KCNG2: variants seen among roughly 807,000 people sequenced by gnomAD.
KCNG2 encodes voltage-gated potassium channel regulatory subunit KCNG2.
KCNG2 carries 7 observed loss-of-function variants against 12.3 expected under a neutral mutation model. That is an observed-to-expected ratio of 0.57 (90% CI 0.32 to 1.07). KCNG2 has a LOEUF of 1.07. Among genes scored for constraint, KCNG2 ranks in the 50% least tolerant of loss-of-function variants. The pLI is 0.04. For synonymous variants in KCNG2, 414 were observed against 351.4 expected (o/e 1.18, Z -1.99); for missense variants, 703 against 726.0 (o/e 0.97, Z 0.36).
intron 2 of KCNG2, among the ~76,000 whole-genome samples, chr18:79,860,437 TA>T (rs1979169563): frequency 6.6e-6 from 1 of 152,256 alleles, no homozygotes; most frequent in African/African-American, 2.4e-5. Context: ...TATTTAGTCT[TA>T]AAATTTCTTC....
At chr18:79,867,534 G>C (rs1417687633) in intron 3 of KCNG2, among the ~76,000 whole-genome samples, 2 of 102,186 alleles carry the variant, frequency 2.0e-5, no homozygotes, top group African/African-American at 7.4e-5. Context: ...TCTGGGGGGG[G>C]ACCGTGAGCT....
intron 3 of KCNG2, among the ~76,000 whole-genome samples, chr18:79,873,322 C>T (rs1054794929): frequency 6.6e-6 from 1 of 152,024 alleles, no homozygotes; most frequent in African/African-American, 2.4e-5. Context: ...CTGTGCCCTG[C>T]AGGGGTCTCT....
At chr18:79,819,627 C>G (rs2087556368) in intron 1 of KCNG2, among the ~76,000 whole-genome samples, 1 of 152,260 alleles carries the variant, frequency 6.6e-6, no homozygotes, top group African/African-American at 2.4e-5. Context: ...AGGACCCGGC[C>G]AGGCCTCACA....
At chr18:79,841,572 C>G (rs936731343) in intron 1 of KCNG2, among the ~76,000 whole-genome samples, 1 of 151,930 alleles carries the variant, frequency 6.6e-6, no homozygotes, top group South Asian at 2.1e-4. Context: ...AATAACAATC[C>G]AAATAGAAAA....
At chr18:79,854,012 G>A (rs1390876107) in intron 1 of KCNG2, among the ~76,000 whole-genome samples, 2 of 152,262 alleles carry the variant, frequency 1.3e-5, no homozygotes, top group Non-Finnish European at 2.9e-5. Flanking sequence ...TGGGAGGAAT[G>A]AGCAGGCCGA....
chr18:79,890,265 G>A (rs533789780), intron 3 of KCNG2, among the ~76,000 whole-genome samples: 2 of 152,258 alleles, frequency 1.3e-5, no homozygotes, highest in Admixed American at 1.3e-4. Context: ...ATAATAGTTT[G>A]TGAGGAATTG....
intron 1 of KCNG2, among the ~76,000 whole-genome samples, chr18:79,849,968 C>G (rs927715300): frequency 6.6e-5 from 10 of 152,190 alleles, no homozygotes; most frequent in African/African-American, 2.2e-4. Context: ...GGAGACCCCA[C>G]CTGGCCGTAG....
rs555973049 is a variant in KCNG2, at chr18:79,880,008, G to T, written c.624+15717G>T. 5.9e-5 allele frequency among the ~76,000 whole-genome samples: 9 copies of T among 152,280 alleles called. 1 individual carries two copies. The South Asian group carries it at 1.9e-3, about 32-fold the overall frequency. On this transcript the variant is annotated intron_variant, in intron 3 of 3. Coordinates refer to ENST00000316249, the MANE Select transcript of KCNG2 (RefSeq NM_012283.2). Reference sequence around the variant, plus strand: ...AAATGTAATTGTAGAGCACGACTTGGCTCAGCAATGAGCATGTTCACATTT... The same window carrying T: ...AAATGTAATTGTAGAGCACGACTTGTCTCAGCAATGAGCATGTTCACATTT...
At chr18:79,865,441 G>GT (rs1491150344) in intron 3 of KCNG2, among the ~76,000 whole-genome samples, 1 of 136,382 alleles carries the variant, frequency 7.3e-6, no homozygotes. Context: ...TGAGAGGTCT[G>GT]GGTATGAGGT....
chr18:79,883,178 G>A (rs1980385582), intron 3 of KCNG2, among the ~76,000 whole-genome samples: 1 of 150,218 alleles, frequency 6.7e-6, no homozygotes, highest in African/African-American at 2.4e-5. Flanking sequence ...GAGAGGCCAG[G>A]CCAGGAAGCC....
chr18:79,821,286 A>ATTTT (rs34251835), intron 1 of KCNG2, among the ~76,000 whole-genome samples: 1 of 101,818 alleles, frequency 9.8e-6, no homozygotes. Context: ...TTTTACTTGA[A>ATTTT]TTTTTTTTTT....
chr18:79,864,162 C>G lies in KCNG2; in HGVS notation c.495C>G (p.Asp165Glu). 6.8e-7 allele frequency: 1 copy of G among 1,480,050 alleles called. No homozygotes were observed. The highest frequency in any genetic ancestry group is 8.9e-7 in the Non-Finnish European group (1 of 1,119,394). 91.7% of individuals were successfully genotyped at this position (1,480,050 alleles called of 1,614,324 possible). A position where few individuals can be genotyped will look rare whatever the true frequency, so the allele number is the denominator to read the frequency against. Residue 165 changes from aspartate (D) to glutamate (E), a missense_variant, in exon 3 of 4, where the codon GAC becomes GAG. Transcript: ENST00000316249. ...RLQRGRRRLR[D>E]VVDNPHSGLA... ...AGCGCGGCCGGCGGCGCCTGCGCGA[C>G]GTGGTGGACAACCCGCACTCGGGGC...
At chr18:79,867,490 TGGGGGGGGGA>T (rs1979645610) in intron 3 of KCNG2, among the ~76,000 whole-genome samples, 2 of 46,902 alleles carry the variant, frequency 4.3e-5, no homozygotes, top group South Asian at 1.0e-3. Flanking sequence ...GTGTCGTGTC[TGGGGGGGGGA>T]TCGTGAGCCC....
intron 2 of KCNG2, among the ~76,000 whole-genome samples, chr18:79,857,849 A>C (rs898220239): frequency 8.5e-5 from 13 of 152,070 alleles, no homozygotes; most frequent in African/African-American, 2.4e-4. Flanking sequence ...AATGCTGTGC[A>C]ACCATCACCA....
At position 79,818,599 on chromosome 18, in the gene KCNG2, T is replaced by C. The variant is rs1356532584; in HGVS notation, c.-115+20585T>C. Reference sequence around the variant, plus strand: ...AAATGACCCCAGCCCATCAGTCGGGTCACCATGTATGACAGTCCCTCCCGC... The same window carrying C: ...AAATGACCCCAGCCCATCAGTCGGGCCACCATGTATGACAGTCCCTCCCGC... On this transcript the variant is annotated intron_variant, in intron 1 of 3. Transcript: ENST00000316249. Among the ~76,000 whole-genome samples the C allele has an allele frequency of 2.0e-5, 3 of 152,314 alleles. No individual in the cohort carries two copies. In the East Asian group the frequency reaches 5.8e-4, roughly 29 times the overall value.
chr18:79,804,388 G>T (rs927057874), intron 1 of KCNG2, among the ~76,000 whole-genome samples: 4 of 152,216 alleles, frequency 2.6e-5, no homozygotes, highest in Non-Finnish European at 5.9e-5. Context: ...CTCCAGGGGG[G>T]ACTCAGCACC....
chr18:79,887,412 C>T (rs1014556279), intron 3 of KCNG2, among the ~76,000 whole-genome samples: 1 of 152,068 alleles, frequency 6.6e-6, no homozygotes, highest in East Asian at 1.9e-4. Context: ...TGCTGAGATG[C>T]CCTGTGCTGC....
chr18:79,835,181 G>A (rs1036530340), intron 1 of KCNG2, among the ~76,000 whole-genome samples: 21 of 152,174 alleles, frequency 1.4e-4, no homozygotes, highest in African/African-American at 5.1e-4. Flanking sequence ...GCCAGCAGAG[G>A]TGTTGTCTCT....
intron 3 of KCNG2, among the ~76,000 whole-genome samples, chr18:79,893,055 G>A (rs1383682619): frequency 6.6e-6 from 1 of 151,276 alleles, no homozygotes; most frequent in East Asian, 2.0e-4. Flanking sequence ...GTCTGTGTCT[G>A]CTTTTGATTG....
Sources: allele counts gnomAD v4.1 joint callset (sites outside exome capture counted in the v4.1 genomes callset), GRCh38; gene constraint gnomAD v4.1.1; transcripts MANE v1.5; gene names NCBI Gene and HGNC (gene_info 2026-07-23, HGNC 2026-07-21).